USP4: variants seen among roughly 807,000 people sequenced by gnomAD.
USP4 encodes ubiquitin specific peptidase 4, also known as ubiquitin carboxyl-terminal hydrolase 4.
A neutral mutation model predicts 118.2 loss-of-function variants in USP4; 72 were observed. The ratio of observed to expected loss-of-function variants is 0.61; its 90% CI spans 0.50 to 0.74. The LOEUF (loss-of-function observed/expected upper bound fraction) is 0.74. Ranked by LOEUF, USP4 falls within the 30% of genes least tolerant of loss-of-function variation. The pLI is 0.00. For synonymous variants in USP4, 415 were observed against 440.4 expected (o/e 0.94, Z 0.72); for missense variants, 1,037 against 1,185.7 (o/e 0.87, Z 1.84).
chr3:49,332,563 T>G (rs973422099), intron 2 of USP4, among the ~76,000 whole-genome samples: 1 of 151,880 alleles, frequency 6.6e-6, no homozygotes, highest in Non-Finnish European at 1.5e-5. Flanking sequence ...AAATCTGTTG[T>G]TTAGGCCAGG....
intron 10 of USP4, among the ~76,000 whole-genome samples, chr3:49,300,948 T>C (rs1292811840): frequency 1.3e-5 from 2 of 152,096 alleles, no homozygotes; most frequent in East Asian, 1.9e-4. Flanking sequence ...ATTTCAAATA[T>C]ATATTATATT....
Position 49,297,960 on chromosome 3 carries a change from AC to A in USP4, c.1600del (p.Val534TrpfsTer20). ...TCGGTGATTATACACATCTGCGACC[AC>A]CATCTAAGAATGAACAGTAACAGAA... The part of the protein sequence containing the change: ...RLSGIAAENM[V>X]VADVYNHRFH... On this transcript the variant is annotated frameshift_variant, in exon 13 of 22. Coordinates refer to ENST00000265560, the MANE Select transcript of USP4 (RefSeq NM_003363.4). LOFTEE classifies it high-confidence loss of function. 4 of 1,611,234 alleles carry A rather than the reference AC, an allele frequency of 2.5e-6. No individual in the cohort carries two copies. Among genetic ancestry groups the A allele is most frequent in the Non-Finnish European group, 3.4e-6 (4 of 1,177,436 alleles).
At chr3:49,295,288 C>CA (rs34296887) in intron 13 of USP4, among the ~76,000 whole-genome samples, 453 of 11,932 alleles carry the variant, frequency 0.038, 138 homozygotes, top group African/African-American at 0.07. Flanking sequence ...GACTCCATCT[C>CA]AAAAAAAAAA....
chr3:49,318,199 G>T, intron 6 of USP4: 2 of 458,974 alleles, frequency 4.4e-6, no homozygotes, highest in Non-Finnish European at 5.7e-6. Flanking sequence ...AAACTCCTGG[G>T]CTCAAGCAAT....
intron 15 of USP4, among the ~76,000 whole-genome samples, chr3:49,289,425 G>A (rs973858127): frequency 1.3e-5 from 2 of 152,200 alleles, no homozygotes; most frequent in Non-Finnish European, 2.9e-5. Flanking sequence ...GGGGATCAGA[G>A]TGCCTTAGCT....
intron 19 of USP4, among the ~76,000 whole-genome samples, chr3:49,283,444 T>C (rs918372363): frequency 8.5e-5 from 13 of 152,090 alleles, no homozygotes; most frequent in African/African-American, 2.7e-4. Context: ...TGTGAGCCAC[T>C]GTGCCCAGCC....
chr3:49,304,173 C>T (rs1352618522), intron 9 of USP4, among the ~76,000 whole-genome samples: 1 of 152,184 alleles, frequency 6.6e-6, no homozygotes, highest in African/African-American at 2.4e-5. Context: ...AACAAACCAC[C>T]TGAGATTTTA....
chr3:49,290,748 C>T (rs1197529865), intron 15 of USP4, among the ~76,000 whole-genome samples: 4 of 152,338 alleles, frequency 2.6e-5, no homozygotes, highest in African/African-American at 9.6e-5. Context: ...CTCCTGACCT[C>T]AGATGATCTG....
Position 49,311,671 on chromosome 3 carries a change from G to A in USP4, c.696-17C>T, listed in dbSNP as rs749442734. On this transcript the variant is annotated splice_polypyrimidine_tract_variant and intron_variant, in intron 6 of 21. Coordinates refer to ENST00000265560, the MANE Select transcript of USP4 (RefSeq NM_003363.4). ...GTGCTTGATCTGGGAGAGAGAAGCA[G>A]AAACAATGCTACTGACTTTTTGCAA... 1 of 1,612,674 alleles carries A rather than the reference G, an allele frequency of 6.2e-7. No individual in the cohort carries two copies. Among genetic ancestry groups the A allele is most frequent in the Non-Finnish European group, 8.5e-7 (1 of 1,179,290 alleles).
chr3:49,322,139 T>A (rs2047509466), intron 6 of USP4, among the ~76,000 whole-genome samples: 1 of 152,238 alleles, frequency 6.6e-6, no homozygotes, highest in Non-Finnish European at 1.5e-5. Context: ...GTCGCAATTC[T>A]TCCCAACACT....
At position 49,310,391 on chromosome 3, in the gene USP4, C is replaced by G. The variant is rs187824682; in HGVS notation, c.954+229G>C. 9.2e-5 allele frequency among the ~76,000 whole-genome samples: 14 copies of G among 152,256 alleles called. 1 individual carries two copies. In the East Asian group the frequency reaches 2.5e-3, roughly 27 times the overall value. On this transcript the variant is annotated intron_variant, in intron 8 of 21. Transcript: ENST00000265560. ...AACAGTCAGTAAAATTCAAAATAATCTTACTATAAAACCAAACACAGAGCT... is the reference window on the plus strand; with the variant it reads ...AACAGTCAGTAAAATTCAAAATAATGTTACTATAAAACCAAACACAGAGCT...
At position 49,318,368 on chromosome 3, in the gene USP4, CT is replaced by C. The variant is rs1214136391; in HGVS notation, c.695+6333del. The C allele has an allele frequency of 3.0e-6, 3 of 985,404 alleles. No individual in the cohort carries two copies. The African/African-American group carries it at 5.2e-5, about 17-fold the overall frequency. The allele number at this position is 985,404 out of a possible 1,614,324, so 61.0% of individuals were successfully genotyped here. ...GAACACCATCTGTAGGCAAAGGTGGCTTTCTTAACTTCAGGGACACCAATCT... is the reference window on the plus strand; with the variant it reads ...GAACACCATCTGTAGGCAAAGGTGGCTTCTTAACTTCAGGGACACCAATCT... On this transcript the variant is annotated intron_variant, in intron 6 of 21. Transcript: ENST00000265560.
chr3:49,284,170 C>A, intron 18 of USP4, 34 bp from the exon 19 acceptor site: 1 of 1,613,396 alleles, frequency 6.2e-7, no homozygotes, highest in Non-Finnish European at 8.5e-7. Context: ...GCAGGGCAAG[C>A]CGGCAGCCAG....
At chr3:49,302,355 T>C in intron 10 of USP4, 29 bp downstream of exon 10, 1 of 1,606,902 alleles carries the variant, frequency 6.2e-7, no homozygotes, top group Non-Finnish European at 8.5e-7. Context: ...CTTTGGCATA[T>C]TATCATTCAG....
At chr3:49,278,528 CA>C (rs2046985228) in intron 21 of USP4, 77 bp from the exon 22 acceptor site, 7 of 1,524,710 alleles carry the variant, frequency 4.6e-6, no homozygotes, top group African/African-American at 1.4e-5. Context: ...TCTAGCTGTC[CA>C]AAACCCTCAA....
At chr3:49,338,996 A>T (rs945585868) in intron 1 of USP4, among the ~76,000 whole-genome samples, 1 of 151,890 alleles carries the variant, frequency 6.6e-6, no homozygotes, top group African/African-American at 2.4e-5. Flanking sequence ...AAATACAAAA[A>T]ATTAGCTGGG....
chr3:49,322,872 A>AG (rs2047516984), intron 6 of USP4, among the ~76,000 whole-genome samples: 1 of 151,756 alleles, frequency 6.6e-6, no homozygotes, highest in African/African-American at 2.4e-5. Context: ...AAAAAAAAAA[A>AG]GAAAAAAAAA....
rs1559461510 is a variant in USP4, at chr3:49,277,821, AGT to A, written c.*470_*471del. 8.0e-6 allele frequency: 2 copies of A among 248,924 alleles called. No individual in the cohort carries two copies. Among genetic ancestry groups the A allele is most frequent in the Non-Finnish European group, 1.5e-5 (2 of 132,216 alleles). 15.4% of individuals were successfully genotyped at this position (248,924 alleles called of 1,614,324 possible). A position where few individuals can be genotyped will look rare whatever the true frequency, so the allele number is the denominator to read the frequency against. ...TTTCAGAAAATTATAAACCCATATCAGTGCACATAGCGAGGGAAAGGGGAGTT... is the reference window on the plus strand; with the variant it reads ...TTTCAGAAAATTATAAACCCATATCAGCACATAGCGAGGGAAAGGGGAGTT... On this transcript the variant is annotated 3_prime_UTR_variant, in exon 22 of 22. Coordinates refer to ENST00000265560, the MANE Select transcript of USP4 (RefSeq NM_003363.4).
chr3:49,294,310 T>G, intron 14 of USP4, 97 bp downstream of exon 14: 1 of 1,319,908 alleles, frequency 7.6e-7, no homozygotes, highest in South Asian at 1.4e-5. Flanking sequence ...GAGGTGAGCA[T>G]GTAGGATCAA....
Sources: gnomAD v4.1 joint callset for allele counts (sites outside exome capture counted in the v4.1 genomes callset) on GRCh38, gnomAD v4.1.1 for gene constraint, MANE v1.5 for transcripts, NCBI Gene and HGNC (gene_info 2026-07-23, HGNC 2026-07-21) for gene names.